The following OR51B5 variants were observed in gnomAD, a reference collection of about 807,000 sequenced individuals.
OR51B5 encodes olfactory receptor family 51 subfamily B member 5, also known as olfactory receptor 51B5.
For synonymous variants in OR51B5, 186 were observed against 144.8 expected (o/e 1.28, Z -2.04); for missense variants, 456 against 374.6 (o/e 1.22, Z -1.79).
intron 1 of OR51B5, among the ~76,000 whole-genome samples, chr11:5,502,350 TTCCATGAATGTATCGAGC>T (rs1456430147): frequency 1.3e-5 from 2 of 152,202 alleles, no homozygotes; most frequent in African/African-American, 4.8e-5. Flanking sequence ...GTTTAAATTT[TTCCATGAATGTATCGAGC>T]TCCAGTCAAA....
chr11:5,430,805 C>A (rs1257451062), intron 1 of OR51B5: 1 of 457,368 alleles, frequency 2.2e-6, no homozygotes, highest in Non-Finnish European at 4.4e-6. Flanking sequence ...GCATGTTTGG[C>A]AGCACGATGC....
chr11:5,423,299 G>C (rs189367646), intron 1 of OR51B5: 1 of 1,050,912 alleles, frequency 9.5e-7, no homozygotes, highest in Non-Finnish European at 1.3e-6. Context: ...TGGAATTTTT[G>C]GCTGAGGTGA....
intron 1 of OR51B5, among the ~76,000 whole-genome samples, chr11:5,412,293 G>T (rs1255662337): frequency 6.6e-6 from 1 of 152,192 alleles, no homozygotes; most frequent in Non-Finnish European, 1.5e-5. Context: ...GCATTAAAAA[G>T]CATCGAACCG....
At chr11:5,379,775 A>G (rs1849583457) in intron 1 of OR51B5, among the ~76,000 whole-genome samples, 1 of 152,152 alleles carries the variant, frequency 6.6e-6, no homozygotes, top group Non-Finnish European at 1.5e-5. Flanking sequence ...TTAGAATTCT[A>G]ATTTCACATA....
intron 1 of OR51B5, among the ~76,000 whole-genome samples, chr11:5,419,671 G>C (rs935260524): frequency 6.6e-6 from 1 of 152,022 alleles, no homozygotes. Flanking sequence ...ATCCAGGAGA[G>C]CTCCTGGAAA....
At chr11:5,351,446 T>C in intron 1 of OR51B5, 1 of 1,367,172 alleles carries the variant, frequency 7.3e-7, no homozygotes. Flanking sequence ...GGAGCAACTT[T>C]TATACAACTG....
chr11:5,386,591 C>T (rs1379474102), intron 1 of OR51B5, among the ~76,000 whole-genome samples: 1 of 151,812 alleles, frequency 6.6e-6, no homozygotes, highest in East Asian at 1.9e-4. Flanking sequence ...TACTGAAGTA[C>T]TGAAAACAGT....
intron 1 of OR51B5, chr11:5,389,428 A>T (rs775913117): frequency 6.2e-7 from 1 of 1,613,938 alleles, no homozygotes; most frequent in Non-Finnish European, 8.5e-7. Context: ...TCAGTCCTCA[A>T]TTCATGCTGC....
At chr11:5,447,383 G>A (rs1284351009) in intron 1 of OR51B5, among the ~76,000 whole-genome samples, 1 of 152,050 alleles carries the variant, frequency 6.6e-6, no homozygotes, top group Non-Finnish European at 1.5e-5. Context: ...CCACTGGTTG[G>A]GCTCACTTTG....
chr11:5,342,919 G>T (rs1218969554), exon 1 of OR51B5: 2 of 1,613,878 alleles, frequency 1.2e-6, no homozygotes, highest in Admixed American at 1.7e-5. Flanking sequence ...CAAATATAAA[G>T]ACTACAAGCA....
intron 1 of OR51B5, among the ~76,000 whole-genome samples, chr11:5,415,762 G>T (rs1045065412): frequency 4.6e-5 from 7 of 152,020 alleles, no homozygotes; most frequent in African/African-American, 7.2e-5. Context: ...AATAACAGGA[G>T]CTGAAATTGT....
At chr11:5,478,113 C>A (rs1467804004) in intron 1 of OR51B5, among the ~76,000 whole-genome samples, 1 of 151,714 alleles carries the variant, frequency 6.6e-6, no homozygotes, top group Non-Finnish European at 1.5e-5. Context: ...ATGTCCCTGT[C>A]TGACAGCTTT....
At chr11:5,366,621 AAG>A (rs1440967539) in intron 1 of OR51B5, among the ~76,000 whole-genome samples, 2 of 151,136 alleles carry the variant, frequency 1.3e-5, no homozygotes, top group Non-Finnish European at 2.9e-5. Context: ...GAAATAGAGA[AAG>A]AGAGAGAGGT....
At chr11:5,491,412 G>A (rs1851579591) in intron 1 of OR51B5, among the ~76,000 whole-genome samples, 1 of 152,200 alleles carries the variant, frequency 6.6e-6, no homozygotes, top group South Asian at 2.1e-4. Context: ...TGCACAAGGA[G>A]CTGTCACAGG....
intron 1 of OR51B5, among the ~76,000 whole-genome samples, chr11:5,481,473 A>G (rs11493597): frequency 0.13 from 16,029 of 123,624 alleles, 1,118 homozygotes; most frequent in East Asian, 0.34. Flanking sequence ...CTCTCTCACC[A>G]CTCCTATTCA....
At chr11:5,451,744 G>A (rs568502508) in intron 1 of OR51B5, among the ~76,000 whole-genome samples, 6 of 152,244 alleles carry the variant, frequency 3.9e-5, no homozygotes, top group South Asian at 2.1e-4. Context: ...AGCATGGTCC[G>A]GTCTTGCTTT....
intron 1 of OR51B5, among the ~76,000 whole-genome samples, chr11:5,401,887 TCTTC>T (rs1436303564): frequency 2.7e-5 from 4 of 146,694 alleles, no homozygotes; most frequent in Admixed American, 6.8e-5. Flanking sequence ...CTTTTCTCTC[TCTTC>T]CTTCCTTCCT....
intron 1 of OR51B5, among the ~76,000 whole-genome samples, chr11:5,367,183 T>TA (rs967958999): frequency 2.6e-5 from 4 of 152,220 alleles, no homozygotes; most frequent in Non-Finnish European, 5.9e-5. Context: ...TGAACTGGAA[T>TA]AAAATCATTT....
chr11:5,412,815 C>T (rs972203923), intron 1 of OR51B5, among the ~76,000 whole-genome samples: 2 of 152,062 alleles, frequency 1.3e-5, no homozygotes, highest in African/African-American at 4.8e-5. Context: ...GAGCCCACCA[C>T]AGCTCAAGGA....
Sources: allele counts gnomAD v4.1 joint callset (sites outside exome capture counted in the v4.1 genomes callset), GRCh38; gene constraint gnomAD v4.1.1; transcripts MANE v1.5; gene names NCBI Gene and HGNC (gene_info 2026-07-23, HGNC 2026-07-21).